Variants in CHRDL1 observed in about 807,000 individuals in gnomAD.
CHRDL1 encodes the protein chordin-like protein 1.
Under a neutral mutation model 40.9 loss-of-function variants are expected in CHRDL1, and 19 were observed. The observed-to-expected ratio is 0.46, with a 90% CI of 0.32 to 0.68. The LOEUF (loss-of-function observed/expected upper bound fraction) is 0.68, where lower values mean the gene tolerates loss of function less well. Among genes scored for constraint, CHRDL1 ranks in the 30% least tolerant of loss-of-function variants. The pLI, the probability that CHRDL1 is intolerant of heterozygous loss-of-function variation, is 0.03. For synonymous variants in CHRDL1, 136 were observed against 123.4 expected, an observed-to-expected ratio of 1.10 and a Z score of -0.68; for missense variants, 329 against 352.1, an observed-to-expected ratio of 0.93 and a Z score of 0.53.
At chrX:110,742,306 C>T (rs151036454) in intron 4 of CHRDL1, among the ~76,000 whole-genome samples, 111 of 111,921 alleles carry the variant, frequency 9.9e-4, no homozygotes, top group African/African-American at 3.2e-3. Context: ...CAAACTGCTA[C>T]AGCTTTTTTA....
chrX:110,726,722 G>C (rs1414428439), intron 4 of CHRDL1, among the ~76,000 whole-genome samples: 1 of 112,058 alleles, frequency 8.9e-6, no homozygotes, highest in Non-Finnish European at 1.9e-5. Flanking sequence ...TCTTGCTCTA[G>C]AAAGAGGTCA....
At chrX:110,729,746 G>A (rs888794252) in intron 4 of CHRDL1, among the ~76,000 whole-genome samples, 2 of 111,516 alleles carry the variant, frequency 1.8e-5, no homozygotes, top group African/African-American at 3.3e-5. Flanking sequence ...ACTTCAGAGT[G>A]TCCCATTTGG....
At chrX:110,776,023 C>T (rs964435275) in intron 2 of CHRDL1, among the ~76,000 whole-genome samples, 2 of 111,587 alleles carry the variant, frequency 1.8e-5, no homozygotes, top group Non-Finnish European at 3.8e-5. Context: ...TTTCCCAATC[C>T]CTCCCTTCCA....
At chrX:110,683,255 T>C (rs1406063219) in intron 9 of CHRDL1, among the ~76,000 whole-genome samples, 1 of 100,694 alleles carries the variant, frequency 9.9e-6, no homozygotes, top group East Asian at 2.8e-4. Context: ...TACTTGAAAA[T>C]GCTAAGAAAA....
intron 11 of CHRDL1, among the ~76,000 whole-genome samples, chrX:110,678,445 C>A (rs1265060058): frequency 9.0e-5 from 10 of 110,715 alleles, no homozygotes; most frequent in African/African-American, 3.3e-4. Flanking sequence ...GTGATCATTC[C>A]TCTCCCCTAC....
chrX:110,681,937 T>A (rs1040341732), intron 9 of CHRDL1, among the ~76,000 whole-genome samples: 2 of 111,756 alleles, frequency 1.8e-5, no homozygotes, highest in African/African-American at 3.3e-5. Flanking sequence ...AGACCCCTAC[T>A]ACTGTCACTG....
intron 4 of CHRDL1, among the ~76,000 whole-genome samples, chrX:110,756,820 T>C (rs2089462066): frequency 1.8e-5 from 2 of 112,023 alleles, no homozygotes; most frequent in South Asian, 7.3e-4. Flanking sequence ...AAGGTGACAA[T>C]TCACATCTAA....
chrX:110,788,122 G>T lies in CHRDL1; in HGVS notation c.94+3966C>A, dbSNP rs769217008. ...ACACAAGGACCTTTTCCCAGCTAAA[G>T]AACTCAAACCTTGCTGATGCTAAAC... On this transcript the variant is annotated intron_variant, in intron 2 of 11. Coordinates refer to ENST00000372042, the MANE Select transcript of CHRDL1 (RefSeq NM_001143981.2). Among the ~76,000 whole-genome samples, 7 of 112,526 alleles carry T rather than the reference G, an allele frequency of 6.2e-5. No homozygotes were observed. In the South Asian group the frequency reaches 1.1e-3, roughly 18 times the overall value.
chrX:110,749,701 G>A (rs752492982), intron 4 of CHRDL1, among the ~76,000 whole-genome samples: 12 of 111,761 alleles, frequency 1.1e-4, no homozygotes, highest in Non-Finnish European at 2.3e-4. Context: ...TTAGGGAATA[G>A]CTGATGGTAT....
At chrX:110,759,531 G>T in intron 4 of CHRDL1, 130 bp downstream of exon 4, 1 of 514,751 alleles carries the variant, frequency 1.9e-6, no homozygotes. Context: ...GGCCAGTTTG[G>T]ACTGCCTAAA....
At chrX:110,738,675 G>T (rs2071306204) in intron 4 of CHRDL1, among the ~76,000 whole-genome samples, 1 of 107,340 alleles carries the variant, frequency 9.3e-6, no homozygotes, top group Non-Finnish European at 1.9e-5. Context: ...CCGGGAGGTG[G>T]AGCTTGTAGT....
At chrX:110,684,947 C>T (rs1310741114) in intron 9 of CHRDL1, among the ~76,000 whole-genome samples, 1 of 112,031 alleles carries the variant, frequency 8.9e-6, no homozygotes, top group African/African-American at 3.3e-5. Context: ...TCGTCTATCT[C>T]CACAAACTTG....
intron 2 of CHRDL1, among the ~76,000 whole-genome samples, chrX:110,784,605 G>C (rs1392504499): frequency 9.0e-6 from 1 of 111,046 alleles, no homozygotes; most frequent in Non-Finnish European, 1.9e-5. Context: ...GTAGGGATGG[G>C]GTTTCACCAT....
chrX:110,786,668 A>G (rs1227891206), intron 2 of CHRDL1, among the ~76,000 whole-genome samples: 1 of 112,473 alleles, frequency 8.9e-6, no homozygotes, highest in Non-Finnish European at 1.9e-5. Flanking sequence ...CCATTAAACT[A>G]TGAAGACATT....
intron 2 of CHRDL1, among the ~76,000 whole-genome samples, chrX:110,777,279 C>T (rs965029264): frequency 3.6e-5 from 4 of 111,612 alleles, no homozygotes; most frequent in Non-Finnish European, 7.6e-5. Flanking sequence ...TCCAAGTTTT[C>T]GTAATTACAA....
At chrX:110,694,568 A>G (rs755481080) in intron 7 of CHRDL1, among the ~76,000 whole-genome samples, 112 of 111,925 alleles carry the variant, frequency 1.0e-3, no homozygotes, top group African/African-American at 3.6e-3. Context: ...CTTCTTCTAA[A>G]AGATAGGACT....
intron 2 of CHRDL1, among the ~76,000 whole-genome samples, chrX:110,779,639 T>A (rs2089908927): frequency 9.0e-6 from 1 of 111,450 alleles, no homozygotes; most frequent in Non-Finnish European, 1.9e-5. Context: ...GTGAGTTTGT[T>A]CTCCTTTAAT....
At chrX:110,721,577 C>T (rs1428076046) in intron 4 of CHRDL1, 47 bp from the exon 5 acceptor site, 43 of 1,095,828 alleles carry the variant, frequency 3.9e-5, no homozygotes, top group Non-Finnish European at 5.0e-5. Context: ...GCATCATTGA[C>T]AAGAATTTCA....
chrX:110,756,840 G>T (rs2089462525), intron 4 of CHRDL1, among the ~76,000 whole-genome samples: 1 of 111,933 alleles, frequency 8.9e-6, no homozygotes, highest in African/African-American at 3.2e-5. Context: ...AAAATATTTA[G>T]ATATTTGAAC....
Sources: gnomAD v4.1 joint callset for allele counts (sites outside exome capture counted in the v4.1 genomes callset) on GRCh38, gnomAD v4.1.1 for gene constraint, MANE v1.5 for transcripts, NCBI Gene and HGNC (gene_info 2026-07-23, HGNC 2026-07-21) for gene names.